The following CCDC15 variants were observed in gnomAD, a reference collection of about 807,000 sequenced individuals.
CCDC15 encodes the protein coiled-coil domain-containing protein 15.
A neutral mutation model predicts 114.5 loss-of-function variants in CCDC15; 105 were observed. The observed-to-expected ratio is 0.92, with a 90% CI of 0.78 to 1.08. The LOEUF (loss-of-function observed/expected upper bound fraction) is 1.08, where lower values mean the gene tolerates loss of function less well. Among genes scored for constraint, CCDC15 ranks in the 50% least tolerant of loss-of-function variants. The pLI is 0.00. For missense variants in CCDC15, 1,105 were observed against 1,093.6 expected (o/e 1.01, Z -0.15); for synonymous variants, 334 against 377.8 (o/e 0.88, Z 1.34).
chr11:125,022,141 A>C (rs1257041569), intron 13 of CCDC15, among the ~76,000 whole-genome samples: 1 of 151,866 alleles, frequency 6.6e-6, no homozygotes, highest in Non-Finnish European at 1.5e-5. Context: ...CTTATTTCAC[A>C]CATGATCTTT....
intron 13 of CCDC15, among the ~76,000 whole-genome samples, chr11:125,016,623 A>T (rs1440560396): frequency 1.3e-5 from 2 of 152,178 alleles, no homozygotes; most frequent in Non-Finnish European, 2.9e-5. Flanking sequence ...TCTGATCTGC[A>T]TGAAAAGGTC....
At chr11:124,991,355 A>AC in intron 8 of CCDC15, 106 bp from the exon 9 acceptor site, 1 of 652,414 alleles carries the variant, frequency 1.5e-6, no homozygotes, top group Admixed American at 3.2e-5. Flanking sequence ...GTTTTATATT[A>AC]TCCTGAAAAA....
At chr11:125,038,728 A>G in intron 14 of CCDC15, 124 bp downstream of exon 14, 1 of 1,195,404 alleles carries the variant, frequency 8.4e-7, no homozygotes, top group Middle Eastern at 2.6e-4. Context: ...TTAGGAGTTC[A>G]TAACTTCACC....
At chr11:125,032,568 T>C (rs987577846) in intron 13 of CCDC15, among the ~76,000 whole-genome samples, 2 of 152,202 alleles carry the variant, frequency 1.3e-5, no homozygotes, top group African/African-American at 4.8e-5. Context: ...TTCGAGTCCT[T>C]ATGGTGGCAC....
intron 13 of CCDC15, among the ~76,000 whole-genome samples, chr11:125,032,473 C>T (rs1369638434): frequency 6.6e-6 from 1 of 152,208 alleles, no homozygotes; most frequent in East Asian, 1.9e-4. Context: ...AATCCACTGT[C>T]ATTCTCTAAG....
intron 13 of CCDC15, among the ~76,000 whole-genome samples, chr11:125,007,098 C>T (rs749125271): frequency 2.9e-4 from 44 of 152,116 alleles, no homozygotes; most frequent in Admixed American, 1.1e-3. Context: ...GGATTGGGAA[C>T]ATTTCAAATC....
chr11:125,003,959 G>C lies in CCDC15; in HGVS notation c.2307G>C (p.Glu769Asp), dbSNP rs1948519457. 1.4e-6 allele frequency: 2 copies of C among 1,467,372 alleles called. No homozygotes were observed. The highest frequency in any genetic ancestry group is 2.9e-5 in the African/African-American group (2 of 68,242). 90.9% of individuals were successfully genotyped at this position (1,467,372 alleles called of 1,614,324 possible). Reference sequence around the variant, plus strand: ...TGGATAAAGAAGAAGATAAGAAAGAGGTATGTAATGATACTGCTTTTGGAT... The same window carrying C: ...TGGATAAAGAAGAAGATAAGAAAGACGTATGTAATGATACTGCTTTTGGAT... ...SDVDKEEDKK[E>D]RQKQYLRHRR... The change falls in exon 12 of 16, where the codon GAG becomes GAC. Residue 769 changes from glutamate to aspartate, a missense_variant and splice_region_variant. Transcript: ENST00000344762.
chr11:125,027,586 A>T (rs987085270), intron 13 of CCDC15, among the ~76,000 whole-genome samples: 6 of 147,270 alleles, frequency 4.1e-5, no homozygotes, highest in Non-Finnish European at 9.0e-5. Context: ...TGATGGGATT[A>T]TTTGTTTTTT....
intron 13 of CCDC15, among the ~76,000 whole-genome samples, chr11:125,011,587 G>T (rs1386215116): frequency 3.3e-5 from 5 of 152,080 alleles, no homozygotes. Context: ...GACTGCTGGT[G>T]TAGTAGCCAT....
intron 13 of CCDC15, among the ~76,000 whole-genome samples, chr11:125,014,217 AGCAGCC>A (rs1465088847): frequency 1.3e-5 from 2 of 152,206 alleles, no homozygotes; most frequent in Non-Finnish European, 2.9e-5. Flanking sequence ...TAAATTACAA[AGCAGCC>A]TTGATTCTGC....
rs538377408 is a variant in CCDC15, at chr11:125,009,998, G to A, written c.2411+4786G>A. Among the ~76,000 whole-genome samples the A allele has an allele frequency of 9.9e-5, 15 of 152,212 alleles. 1 individual carries two copies. Among genetic ancestry groups the A allele is most frequent in the South Asian group, 2.1e-4 (1 of 4,822 alleles). On this transcript the variant is annotated intron_variant, in intron 13 of 15. Coordinates refer to ENST00000344762, the MANE Select transcript of CCDC15 (RefSeq NM_025004.3). ...GTGTGCCTTTTTGGTAGAAGGATTC[G>A]TTGTACCAAATTATGGGATTGCTAG...
rs1338181096 is a variant in CCDC15 at position 124,954,815 on chromosome 11, TG to T, written c.84del (p.Leu29TrpfsTer11). Reference sequence around the variant, plus strand: ...TTAAACCCCCTGAAGAGCAAGGACGTGTTGGCAGTGCTGGCTGAGAGGAACG... The same window carrying T: ...TTAAACCCCCTGAAGAGCAAGGACGTTTGGCAGTGCTGGCTGAGAGGAACG... ...LALNPLKSKD[V>X]LAVLAERNEA... On this transcript the variant is annotated frameshift_variant, in exon 2 of 16. Transcript: ENST00000344762. LOFTEE classifies it high-confidence loss of function. The T allele has an allele frequency of 6.2e-7, 1 of 1,613,944 alleles. No homozygotes were observed. Among genetic ancestry groups the T allele is most frequent in the East Asian group, 2.2e-5 (1 of 44,886 alleles).
chr11:125,033,308 G>A (rs180986823), intron 13 of CCDC15, among the ~76,000 whole-genome samples: 13 of 152,294 alleles, frequency 8.5e-5, no homozygotes, highest in African/African-American at 2.2e-4. Context: ...TAAGTCAAAC[G>A]ATTCTGATTG....
chr11:125,005,863 G>A (rs900423835), intron 13 of CCDC15, among the ~76,000 whole-genome samples: 5 of 151,982 alleles, frequency 3.3e-5, no homozygotes, highest in East Asian at 1.9e-4. Context: ...ATGCATGTAC[G>A]TTTCCTCTAA....
At chr11:125,036,892 T>A (rs1448321813) in intron 13 of CCDC15, among the ~76,000 whole-genome samples, 1 of 152,220 alleles carries the variant, frequency 6.6e-6, no homozygotes, top group African/African-American at 2.4e-5. Context: ...TCTCTTGAAT[T>A]TCTTTGAGTT....
At chr11:124,965,618 G>C (rs1215009574) in intron 4 of CCDC15, among the ~76,000 whole-genome samples, 1 of 152,096 alleles carries the variant, frequency 6.6e-6, no homozygotes, top group Non-Finnish European at 1.5e-5. Context: ...ATTCTTTGAA[G>C]GGTTTTTGTG....
chr11:125,003,874 A>G lies in CCDC15; in HGVS notation c.2222A>G (p.Asp741Gly), dbSNP rs749590030. 1 of 1,559,198 alleles carries G rather than the reference A, an allele frequency of 6.4e-7. No homozygotes were observed. Among genetic ancestry groups the G allele is most frequent in the South Asian group, 1.3e-5 (1 of 79,632 alleles). Residue 741 changes from aspartate (D) to glycine (G), a missense_variant, in exon 12 of 16, where the codon GAT becomes GGT. Asp to Gly is a moderately conservative substitution (Grantham distance 94). Coordinates refer to ENST00000344762, the MANE Select transcript of CCDC15 (RefSeq NM_025004.3). ...GNTPGVPLAY[D>G]RYQSGLSTEF... ...ACTGGACCTTCTTAACAGGCTTATGATAGGTATCAATCAGGATTGAGCACT... is the reference window on the plus strand; with the variant it reads ...ACTGGACCTTCTTAACAGGCTTATGGTAGGTATCAATCAGGATTGAGCACT...
chr11:125,025,236 T>C (rs1948693071), intron 13 of CCDC15, among the ~76,000 whole-genome samples: 2 of 149,842 alleles, frequency 1.3e-5, no homozygotes, highest in Non-Finnish European at 3.0e-5. Context: ...TTAAACCAAC[T>C]CTGGGTTCCT....
chr11:125,001,668 G>A (rs748547797), intron 11 of CCDC15, among the ~76,000 whole-genome samples: 7 of 152,162 alleles, frequency 4.6e-5, no homozygotes, highest in African/African-American at 7.2e-5. Context: ...GTGGCCTTTC[G>A]TGACTGGCTT....
Sources: gnomAD v4.1 joint callset for allele counts (sites outside exome capture counted in the v4.1 genomes callset) on GRCh38, gnomAD v4.1.1 for gene constraint, MANE v1.5 for transcripts, NCBI Gene and HGNC (gene_info 2026-07-23, HGNC 2026-07-21) for gene names.